Variants in RAPGEF4 observed in about 807,000 individuals in gnomAD.
The protein encoded by RAPGEF4 is Rap guanine nucleotide exchange factor 4.
In RAPGEF4, 66 loss-of-function variants were observed where a neutral mutation model predicts 147.9. That is an observed-to-expected ratio of 0.45 (90% CI 0.37 to 0.55). The LOEUF (loss-of-function observed/expected upper bound fraction) is 0.55. RAPGEF4 is among the 20% of genes least tolerant of loss of function. The probability of loss-of-function intolerance (pLI) is 0.00; values close to 1 mark genes in which losing one functional copy is unlikely to be tolerated. For synonymous variants in RAPGEF4, 419 were observed against 442.7 expected, an observed-to-expected ratio of 0.95 and a Z score of 0.67; for missense variants, 1,071 against 1,257.3, an observed-to-expected ratio of 0.85 and a Z score of 2.24.
chr2:172,768,543 T>G (rs1173661532), intron 1 of RAPGEF4, among the ~76,000 whole-genome samples: 1 of 151,696 alleles, frequency 6.6e-6, no homozygotes, highest in African/African-American at 2.4e-5. Flanking sequence ...AGCTGTGGAT[T>G]CATCAAGAAA....
At chr2:172,748,473 A>G (rs566299481) in intron 1 of RAPGEF4, among the ~76,000 whole-genome samples, 4 of 152,316 alleles carry the variant, frequency 2.6e-5, no homozygotes, top group African/African-American at 7.2e-5. Context: ...GTTTCCCTTT[A>G]TAATACCATC....
chr2:173,030,327 T>G (rs1411797385), intron 26 of RAPGEF4, 73 bp downstream of exon 26: 5 of 1,163,086 alleles, frequency 4.3e-6, no homozygotes, highest in Non-Finnish European at 6.5e-6. Flanking sequence ...GTGAGCTTTT[T>G]AATAGAAATA....
chr2:172,959,182 C>A (rs1437211918), intron 6 of RAPGEF4, among the ~76,000 whole-genome samples: 1 of 152,202 alleles, frequency 6.6e-6, no homozygotes, highest in Non-Finnish European at 1.5e-5. Flanking sequence ...GTTTAGAAGT[C>A]TGAAATGGGT....
intron 1 of RAPGEF4, among the ~76,000 whole-genome samples, chr2:172,789,352 C>T (rs969395901): frequency 2.0e-5 from 3 of 152,170 alleles, no homozygotes; most frequent in Admixed American, 6.5e-5. Flanking sequence ...AGCTCCCACC[C>T]GGCCTCAAAA....
In RAPGEF4 at chr2:172,999,258, A is replaced by G. The variant is rs546828690; in HGVS notation, c.1580-2008A>G. 2.6e-5 allele frequency among the ~76,000 whole-genome samples: 4 copies of G among 152,244 alleles called. No individual in the cohort carries two copies. The South Asian group carries it at 8.3e-4, about 32-fold the overall frequency. On this transcript the variant is annotated intron_variant, in intron 16 of 30. Coordinates refer to ENST00000397081, the MANE Select transcript of RAPGEF4 (RefSeq NM_007023.4). Reference sequence around the variant, plus strand: ...CAGTTTTTCCTGATATTTTTTTCCTACAAGTAATGTTTATGCCTTGGAGAT... The same window carrying G: ...CAGTTTTTCCTGATATTTTTTTCCTGCAAGTAATGTTTATGCCTTGGAGAT...
intron 1 of RAPGEF4, among the ~76,000 whole-genome samples, chr2:172,793,687 A>G (rs1338579709): frequency 6.6e-6 from 1 of 152,254 alleles, no homozygotes; most frequent in Non-Finnish European, 1.5e-5. Flanking sequence ...AATTGCTCAA[A>G]GAAAAGAAAA....
intron 4 of RAPGEF4, among the ~76,000 whole-genome samples, chr2:172,899,058 G>A (rs1230604829): frequency 2.0e-5 from 3 of 152,132 alleles, no homozygotes; most frequent in Non-Finnish European, 4.4e-5. Context: ...AAAACACCAA[G>A]CATTTTATTT....
intron 6 of RAPGEF4, among the ~76,000 whole-genome samples, chr2:172,926,032 A>G (rs1575265178): frequency 2.4e-5 from 1 of 41,052 alleles, no homozygotes; most frequent in Non-Finnish European, 4.3e-5. Context: ...GGAGGGAGGG[A>G]CGGAGGGAGG....
At chr2:173,010,373 C>G (rs1379828218) in intron 17 of RAPGEF4, among the ~76,000 whole-genome samples, 1 of 152,200 alleles carries the variant, frequency 6.6e-6, no homozygotes, top group Non-Finnish European at 1.5e-5. Context: ...TGAGTTCAGG[C>G]AGCCATATTG....
chr2:172,812,325 C>T (rs2149598147), intron 3 of RAPGEF4, among the ~76,000 whole-genome samples: 1 of 152,288 alleles, frequency 6.6e-6, no homozygotes, highest in Non-Finnish European at 1.5e-5. Context: ...TTTCCCCTTA[C>T]AGAGGTGGTC....
At chr2:172,759,739 T>C (rs560421791) in intron 1 of RAPGEF4, among the ~76,000 whole-genome samples, 1 of 152,314 alleles carries the variant, frequency 6.6e-6, no homozygotes, top group East Asian at 1.9e-4. Context: ...AGTTGTGACA[T>C]TGTAACTACC....
intron 29 of RAPGEF4, among the ~76,000 whole-genome samples, chr2:173,043,705 C>T (rs1685056136): frequency 6.6e-6 from 1 of 152,204 alleles, no homozygotes; most frequent in South Asian, 2.1e-4. Flanking sequence ...GAGGACACCA[C>T]AGAAGGGTGA....
At chr2:173,017,388 A>G in intron 20 of RAPGEF4, 38 bp from the exon 21 acceptor site, 1 of 1,583,396 alleles carries the variant, frequency 6.3e-7, no homozygotes. Context: ...TGCATTGGTC[A>G]CTGTCCCTTA....
At chr2:172,751,947 A>G (rs570805698) in intron 1 of RAPGEF4, among the ~76,000 whole-genome samples, 13 of 52,286 alleles carry the variant, frequency 2.5e-4, no homozygotes, top group Non-Finnish European at 5.9e-4. Flanking sequence ...TTTATCCTTT[A>G]AATGTTATTA....
In RAPGEF4 at chr2:172,906,720, A is replaced by G. The variant is rs1318714454; in HGVS notation, c.445-11082A>G. ...ACAGCAGCTTGGAGAACACCCAGAA[A>G]AGGCCTCACAGAGTGCCAGGAAGGC... On this transcript the variant is annotated intron_variant, in intron 4 of 30. Coordinates refer to ENST00000397081, the MANE Select transcript of RAPGEF4 (RefSeq NM_007023.4). Among the ~76,000 whole-genome samples, 3 of 152,276 alleles carry G rather than the reference A, an allele frequency of 2.0e-5. No homozygotes were observed. In the East Asian group the frequency reaches 5.8e-4, roughly 29 times the overall value.
intron 29 of RAPGEF4, among the ~76,000 whole-genome samples, chr2:173,039,217 G>A (rs1026633649): frequency 3.9e-5 from 6 of 152,026 alleles, no homozygotes; most frequent in Non-Finnish European, 8.8e-5. Flanking sequence ...CAGCACTTTG[G>A]GAGGCCGAGG....
intron 1 of RAPGEF4, among the ~76,000 whole-genome samples, chr2:172,754,532 T>C (rs1039043655): frequency 1.3e-5 from 2 of 152,184 alleles, no homozygotes; most frequent in Admixed American, 6.5e-5. Context: ...GAAGCTATTA[T>C]TGATATTTTA....
At chr2:172,798,689 A>G (rs1234886068) in intron 3 of RAPGEF4, among the ~76,000 whole-genome samples, 2 of 140,208 alleles carry the variant, frequency 1.4e-5, no homozygotes, top group Non-Finnish European at 3.1e-5. Flanking sequence ...TTTATGACAC[A>G]CCAAATTTGA....
At chr2:172,980,705 T>G (rs879626952) in intron 10 of RAPGEF4, among the ~76,000 whole-genome samples, 3 of 152,174 alleles carry the variant, frequency 2.0e-5, no homozygotes, top group Non-Finnish European at 4.4e-5. Flanking sequence ...CCTTGAACCA[T>G]GATGTCAAAT....
Sources: allele counts gnomAD v4.1 joint callset (sites outside exome capture counted in the v4.1 genomes callset), GRCh38; gene constraint gnomAD v4.1.1; transcripts MANE v1.5; gene names NCBI Gene and HGNC (gene_info 2026-07-23, HGNC 2026-07-21).